Variants in SHANK2 observed in about 807,000 individuals in gnomAD.
SHANK2 encodes SH3 and multiple ankyrin repeat domains protein 2.
In SHANK2, 43 loss-of-function variants were observed where a neutral mutation model predicts 133.7. The ratio of observed to expected loss-of-function variants is 0.32; its 90% CI spans 0.25 to 0.41. The LOEUF is 0.41. SHANK2 is among the 10% of genes least tolerant of loss of function. The probability of loss-of-function intolerance (pLI) is 1.00; values close to 1 mark genes in which losing one functional copy is unlikely to be tolerated. For synonymous variants in SHANK2, 1,017 were observed against 952.8 expected, an observed-to-expected ratio of 1.07 and a Z score of -1.24; for missense variants, 1,994 against 2,235.8, an observed-to-expected ratio of 0.89 and a Z score of 2.18.
intron 8 of SHANK2, among the ~76,000 whole-genome samples, chr11:71,075,672 C>A (rs1301415304): frequency 6.6e-6 from 1 of 152,200 alleles, no homozygotes; most frequent in African/African-American, 2.4e-5. Flanking sequence ...GCTTCAGTTA[C>A]CCAAGCTCCC....
intron 10 of SHANK2, among the ~76,000 whole-genome samples, chr11:70,947,004 C>A (rs535631253): frequency 1.1e-3 from 169 of 152,000 alleles, no homozygotes; most frequent in African/African-American, 3.9e-3. Flanking sequence ...CAACCTCCCT[C>A]TCCGCTAACC....
chr11:71,250,127 T>TTG (rs146193475), intron 1 of SHANK2, among the ~76,000 whole-genome samples: 1 of 151,302 alleles, frequency 6.6e-6, no homozygotes, highest in Non-Finnish European at 1.5e-5. Flanking sequence ...TCCCCGGGGG[T>TTG]GGGGGGGAAT....
intron 11 of SHANK2, among the ~76,000 whole-genome samples, chr11:70,879,949 G>T (rs1949633310): frequency 6.6e-6 from 1 of 152,204 alleles, no homozygotes; most frequent in Non-Finnish European, 1.5e-5. Context: ...GGCTTTTGAG[G>T]GTAGCCAGAT....
chr11:71,163,093 A>AAAACATATATATCTATATATATATAT, intron 2 of SHANK2, among the ~76,000 whole-genome samples: 1 of 84,678 alleles, frequency 1.2e-5, no homozygotes, highest in African/African-American at 4.6e-5. Flanking sequence ...AAAAAAAAAA[A>AAAACATATATATCTATATATATATAT]ATACATATAT....
In SHANK2 at chr11:70,529,848, T is replaced by C. The variant is rs535520424; in HGVS notation, c.2062-26917A>G. ...CCTCATGTTTTCAGGGTTCACAACG[T>C]TGGACCAGGCATCAGTCTTCTGTTC... On this transcript the variant is annotated intron_variant, in intron 17 of 25. Coordinates refer to ENST00000601538, the MANE Select transcript of SHANK2 (RefSeq NM_012309.5). Among the ~76,000 whole-genome samples the C allele has an allele frequency of 3.3e-5, 5 of 152,338 alleles. No individual in the cohort carries two copies. The East Asian group carries it at 9.6e-4, about 29-fold the overall frequency.
intron 17 of SHANK2, among the ~76,000 whole-genome samples, chr11:70,592,402 A>G (rs1353862159): frequency 6.6e-6 from 1 of 152,146 alleles, no homozygotes; most frequent in Non-Finnish European, 1.5e-5. Flanking sequence ...ACTCGGGTGG[A>G]GCTTCCACGC....
chr11:70,764,225 TCTATC>T (rs1260673510), intron 14 of SHANK2, among the ~76,000 whole-genome samples: 1 of 139,410 alleles, frequency 7.2e-6, no homozygotes, highest in Non-Finnish European at 1.5e-5. Flanking sequence ...CACCCATCCA[TCTATC>T]CACTACCCAC....
intron 17 of SHANK2, among the ~76,000 whole-genome samples, chr11:70,607,719 G>A (rs755254714): frequency 1.3e-5 from 2 of 152,174 alleles, no homozygotes; most frequent in Non-Finnish European, 2.9e-5. Flanking sequence ...CCCAGGACAT[G>A]CCACCATCCT....
At chr11:70,502,742 C>CT (rs1491325181) in intron 18 of SHANK2, 54 bp downstream of exon 18, 4 of 434,408 alleles carry the variant, frequency 9.2e-6, no homozygotes, top group Non-Finnish European at 1.3e-5. Context: ...CCCGCCCCCA[C>CT]CCCCCCCCCC....
chr11:70,734,684 C>T (rs937164050), intron 14 of SHANK2, among the ~76,000 whole-genome samples: 14 of 152,224 alleles, frequency 9.2e-5, no homozygotes, highest in Admixed American at 7.9e-4. Context: ...GCAGGGGCCC[C>T]ACAGCCTGTG....
chr11:71,200,252 G>A (rs1022614429), intron 2 of SHANK2, among the ~76,000 whole-genome samples: 67 of 152,158 alleles, frequency 4.4e-4, no homozygotes, highest in African/African-American at 1.5e-3. Flanking sequence ...TTCACCACAC[G>A]TAATGTCCTC....
At chr11:70,509,067 G>T (rs2135867061) in intron 17 of SHANK2, among the ~76,000 whole-genome samples, 1 of 152,342 alleles carries the variant, frequency 6.6e-6, no homozygotes, top group South Asian at 2.1e-4. Context: ...CCATGCTACT[G>T]CCACCTTGAT....
chr11:70,922,282 C>A (rs967654244), intron 10 of SHANK2, among the ~76,000 whole-genome samples: 8 of 151,916 alleles, frequency 5.3e-5, no homozygotes, highest in Non-Finnish European at 1.2e-4. Flanking sequence ...ATAAGACACA[C>A]TGAAAGGCTC....
intron 14 of SHANK2, among the ~76,000 whole-genome samples, chr11:70,732,185 G>A (rs1453945357): frequency 6.6e-6 from 1 of 152,040 alleles, no homozygotes; most frequent in African/African-American, 2.4e-5. Flanking sequence ...AACATCACAC[G>A]TAACATCACC....
At chr11:70,582,424 G>A (rs768474115) in intron 17 of SHANK2, among the ~76,000 whole-genome samples, 11 of 152,238 alleles carry the variant, frequency 7.2e-5, no homozygotes, top group Non-Finnish European at 1.5e-4. Context: ...AGGCCTGCTC[G>A]GCAGATGGGA....
At position 70,469,908 on chromosome 11, in the gene SHANK2, C is replaced by T. The variant is rs2058577883; in HGVS notation, c.*2961G>A. 6.6e-6 allele frequency: 1 copy of T among 152,554 alleles called. No individual in the cohort carries two copies. The highest frequency in any genetic ancestry group is 2.1e-4 in the South Asian group (1 of 4,834). The allele number at this position is 152,554 out of a possible 1,614,324, so 9.5% of individuals were successfully genotyped here. A position where few individuals can be genotyped will look rare whatever the true frequency, so the allele number is the denominator to read the frequency against. On this transcript the variant is annotated 3_prime_UTR_variant, in exon 26 of 26. Transcript: ENST00000601538. ...TATCTTGGCAGGTATACATAATTTA[C>T]ATTTTGAGAGATTTGGGTTTTGTAT...
chr11:70,635,865 C>T (rs901519150), intron 17 of SHANK2, among the ~76,000 whole-genome samples: 1 of 152,222 alleles, frequency 6.6e-6, no homozygotes, highest in African/African-American at 2.4e-5. Context: ...TCATCTGCTG[C>T]TCAAGGGCCT....
intron 22 of SHANK2, 146 bp downstream of exon 22, chr11:70,492,189 T>C (rs1353431618): frequency 2.8e-5 from 33 of 1,184,234 alleles, no homozygotes; most frequent in Admixed American, 3.6e-5. Flanking sequence ...CGGCTCTTTG[T>C]CCTGTGGCCA....
At chr11:70,616,133 G>A (rs2060738428) in intron 17 of SHANK2, among the ~76,000 whole-genome samples, 1 of 152,168 alleles carries the variant, frequency 6.6e-6, no homozygotes, top group Non-Finnish European at 1.5e-5. Flanking sequence ...CAGGATGGGG[G>A]GCACATGAGA....
Sources: allele counts gnomAD v4.1 joint callset (sites outside exome capture counted in the v4.1 genomes callset), GRCh38; gene constraint gnomAD v4.1.1; transcripts MANE v1.5; gene names NCBI Gene and HGNC (gene_info 2026-07-23, HGNC 2026-07-21).